Variants in XKR9 observed in about 807,000 individuals in gnomAD.
XKR9 encodes XK related 9, also known as XK-related protein 9.
XKR9 carries 32 observed loss-of-function variants against 32.0 expected under a neutral mutation model. That is an observed-to-expected ratio of 1.00 (90% CI 0.76 to 1.34). The LOEUF is 1.34. XKR9 is among the 40% of genes most tolerant of loss of function. XKR9 has a pLI of 0.00. For synonymous variants in XKR9, 168 were observed against 143.4 expected (o/e 1.17, Z -1.22); for missense variants, 546 against 429.7 (o/e 1.27, Z -2.39).
intron 4 of XKR9, among the ~76,000 whole-genome samples, chr8:70,727,730 G>A (rs1025826777): frequency 6.6e-6 from 1 of 151,864 alleles, no homozygotes; most frequent in Admixed American, 6.6e-5. Context: ...CAACTTAGTG[G>A]GTAGGGGAAG....
chr8:70,847,653 C>A, the XKR9 span, among the ~76,000 whole-genome samples: 13 of 151,712 alleles, frequency 8.6e-5, no homozygotes, highest in African/African-American at 2.9e-4. Context: ...ACAACTAATA[C>A]CACAGAAATA....
At chr8:70,999,668 T>C in the XKR9 span, among the ~76,000 whole-genome samples, 2 of 152,168 alleles carry the variant, frequency 1.3e-5, no homozygotes, top group East Asian at 3.9e-4. Context: ...GTAACAAGAA[T>C]CAGACACTTT....
the XKR9 span, among the ~76,000 whole-genome samples, chr8:70,809,715 G>C: frequency 6.6e-6 from 1 of 152,174 alleles, no homozygotes; most frequent in African/African-American, 2.4e-5. Context: ...TCAAATGAAT[G>C]AAATGAAGTG....
At chr8:70,788,270 A>C (rs2130264752) in intron 2 of XKR9, among the ~76,000 whole-genome samples, 1 of 152,210 alleles carries the variant, frequency 6.6e-6, no homozygotes, top group Admixed American at 6.6e-5. Flanking sequence ...GATGTTATTA[A>C]GTGTTAGTTG....
the XKR9 span, among the ~76,000 whole-genome samples, chr8:70,985,656 C>G: frequency 1.3e-5 from 2 of 152,264 alleles, no homozygotes; most frequent in Admixed American, 1.3e-4. Context: ...AAATAATTAT[C>G]TCTTTTTCTT....
At chr8:70,731,230 A>G (rs1180987814) in intron 4 of XKR9, among the ~76,000 whole-genome samples, 1 of 152,194 alleles carries the variant, frequency 6.6e-6, no homozygotes, top group Non-Finnish European at 1.5e-5. Flanking sequence ...TCATGCAGAG[A>G]AGACAAATAG....
chr8:70,710,053 A>G (rs1012246440), intron 4 of XKR9, among the ~76,000 whole-genome samples: 5 of 152,218 alleles, frequency 3.3e-5, no homozygotes, highest in African/African-American at 1.2e-4. Flanking sequence ...CTACATGGCT[A>G]CAGTAACCAA....
At chr8:70,891,416 G>T in the XKR9 span, among the ~76,000 whole-genome samples, 1 of 151,988 alleles carries the variant, frequency 6.6e-6, no homozygotes, top group Non-Finnish European at 1.5e-5. Flanking sequence ...CTTTTTTGAT[G>T]TAGGCATTTA....
chr8:70,713,895 A>G (rs971276238), intron 4 of XKR9, among the ~76,000 whole-genome samples: 5 of 152,190 alleles, frequency 3.3e-5, no homozygotes, highest in Admixed American at 3.3e-4. Context: ...ACAGAATACT[A>G]CAGACTGAGT....
At chr8:70,945,972 C>T in the XKR9 span, among the ~76,000 whole-genome samples, 63,616 of 151,608 alleles carry the variant, frequency 0.42, 14,376 homozygotes, top group Non-Finnish European at 0.52. Context: ...CCGTCTCTAC[C>T]AAAAATACAA....
At chr8:70,879,852 T>A in the XKR9 span, among the ~76,000 whole-genome samples, 16 of 152,300 alleles carry the variant, frequency 1.1e-4, no homozygotes, top group Non-Finnish European at 1.8e-4. Context: ...ATATCCCTGA[T>A]GAACGTTGAT....
intron 4 of XKR9, among the ~76,000 whole-genome samples, chr8:70,709,420 C>T (rs405121): frequency 6.6e-6 from 1 of 152,204 alleles, no homozygotes; most frequent in East Asian, 1.9e-4. Context: ...CTCACCACTC[C>T]TGCTCCACAT....
the XKR9 span, among the ~76,000 whole-genome samples, chr8:71,017,000 G>A: frequency 6.6e-6 from 1 of 152,176 alleles, no homozygotes; most frequent in African/African-American, 2.4e-5. Context: ...ACAATTCTGA[G>A]ATAGTTTTGC....
chr8:70,946,590 G>A, the XKR9 span, among the ~76,000 whole-genome samples: 1 of 152,162 alleles, frequency 6.6e-6, no homozygotes, highest in African/African-American at 2.4e-5. Context: ...CCACTAAATA[G>A]AGAAACTGGG....
chr8:70,715,789 A>G (rs1365840448), intron 4 of XKR9, among the ~76,000 whole-genome samples: 1 of 152,186 alleles, frequency 6.6e-6, no homozygotes, highest in East Asian at 1.9e-4. Context: ...TGAAATTAAA[A>G]CAGAACAGTA....
chr8:71,054,826 G>GC, the XKR9 span, among the ~76,000 whole-genome samples: 2 of 152,116 alleles, frequency 1.3e-5, no homozygotes, highest in Admixed American at 1.3e-4. Flanking sequence ...AAGCAACTCT[G>GC]CGCAGGTGTT....
At chr8:70,979,150 A>C in the XKR9 span, among the ~76,000 whole-genome samples, 8 of 152,168 alleles carry the variant, frequency 5.3e-5, no homozygotes, top group Admixed American at 3.9e-4. Context: ...TCTTTTTTCA[A>C]GGTTGTTAGC....
At chr8:70,697,424 T>C (rs1273755382) in intron 3 of XKR9, among the ~76,000 whole-genome samples, 2 of 151,868 alleles carry the variant, frequency 1.3e-5, no homozygotes, top group Non-Finnish European at 2.9e-5. Flanking sequence ...AGGCCTTTTC[T>C]GCATCTATTG....
the XKR9 span, among the ~76,000 whole-genome samples, chr8:70,883,774 C>T: frequency 6.6e-6 from 1 of 151,986 alleles, no homozygotes; most frequent in South Asian, 2.1e-4. Flanking sequence ...TTTGTTTTTC[C>T]ATTCACCTGT....
Sources: allele counts gnomAD v4.1 joint callset (sites outside exome capture counted in the v4.1 genomes callset), GRCh38; gene constraint gnomAD v4.1.1; transcripts MANE v1.5; gene names NCBI Gene and HGNC (gene_info 2026-07-23, HGNC 2026-07-21).